Variants in NPHP4 observed in about 807,000 individuals in gnomAD.
NPHP4 encodes nephrocystin-4.
A neutral mutation model predicts 155.8 loss-of-function variants in NPHP4; 151 were observed. The observed-to-expected ratio is 0.97, with a 90% CI of 0.85 to 1.11. The LOEUF (loss-of-function observed/expected upper bound fraction) is 1.11. NPHP4 is among the 50% of genes least tolerant of loss of function. The probability of loss-of-function intolerance (pLI) is 0.00; values close to 1 mark genes in which losing one functional copy is unlikely to be tolerated. For missense variants in NPHP4, 1,956 were observed against 1,925.7 expected (o/e 1.02, Z -0.29); for synonymous variants, 845 against 816.8 (o/e 1.03, Z -0.59).
intron 6 of NPHP4, among the ~76,000 whole-genome samples, chr1:5,953,479 G>A (rs916121989): frequency 6.6e-6 from 1 of 152,200 alleles, no homozygotes; most frequent in African/African-American, 2.4e-5. Flanking sequence ...CGGCCCTGCA[G>A]CCTGCTGCCC....
intron 7 of NPHP4, among the ~76,000 whole-genome samples, chr1:5,950,994 C>T (rs143429412): frequency 3.7e-4 from 56 of 152,220 alleles, no homozygotes; most frequent in African/African-American, 1.3e-3. Context: ...TGGTCTTGAG[C>T]AAAAGCAGCA....
intron 23 of NPHP4, among the ~76,000 whole-genome samples, chr1:5,869,934 C>T (rs1372376515): frequency 6.6e-6 from 1 of 152,190 alleles, no homozygotes; most frequent in Non-Finnish European, 1.5e-5. Flanking sequence ...CTTCAGCACA[C>T]TAGAAACAGT....
At chr1:5,874,386 G>A in intron 22 of NPHP4, 85 bp downstream of exon 22, 1 of 1,284,466 alleles carries the variant, frequency 7.8e-7, no homozygotes, top group Non-Finnish European at 1.1e-6. Context: ...AGGTAAGGGA[G>A]GGACACTGGT....
At position 5,905,700 on chromosome 1, in the gene NPHP4, G is replaced by A. The variant is rs773050903; in HGVS notation, c.1695C>T (p.Ala565=). 2.2e-5 allele frequency: 35 copies of A among 1,613,680 alleles called. No homozygotes were observed. The highest frequency in any genetic ancestry group is 9.9e-5 in the South Asian group (9 of 91,038). The stretch of plus-strand genomic sequence containing the variant: ...TGAACGGCAGCTCCTGTAACTGTTC[G>A]GCAATGGATGTTTCCAGGACCAGGG... The part of the protein sequence containing the change: ...QTSLVLETSI[A]EQLQELPFTP... Residue 565 remains alanine (A), a synonymous_variant, in exon 14 of 30, where the codon GCC becomes GCT. Transcript: ENST00000378156. This position sits in a 1 kb window ranked among gnomAD's most constrained non-coding sequence, Gnocchi z 4.0.
chr1:5,866,423 C>T lies in NPHP4; in HGVS notation c.3594G>A (p.Val1198=). The T allele has an allele frequency of 6.2e-7, 1 of 1,608,180 alleles. No individual in the cohort carries two copies. The highest frequency in any genetic ancestry group is 8.5e-7 in the Non-Finnish European group (1 of 1,176,944). ...PGEPRDIFLK[V]ASGPSPEIKD... ...TGATCTCCGGGCTTGGACCACTGGC[C>T]ACCTTCAGAAATATGTCCCGTGGTT... is the stretch of plus-strand genomic sequence containing the variant. The change falls in exon 26 of 30, where the codon GTG becomes GTA. Residue 1198 remains valine, a synonymous_variant. Transcript: ENST00000378156.
chr1:5,884,680 C>T (rs1334055674), intron 18 of NPHP4, among the ~76,000 whole-genome samples: 1 of 104,268 alleles, frequency 9.6e-6, no homozygotes, highest in East Asian at 3.3e-4. Flanking sequence ...CCAGCCGAGC[C>T]CCCGTCCTAC....
chr1:5,930,861 G>C (rs1646238348), intron 10 of NPHP4, among the ~76,000 whole-genome samples: 1 of 152,200 alleles, frequency 6.6e-6, no homozygotes, highest in African/African-American at 2.4e-5. Flanking sequence ...TACTTAGAGA[G>C]GATGCTGAAG....
intron 18 of NPHP4, among the ~76,000 whole-genome samples, chr1:5,883,345 C>T (rs565659998): frequency 6.6e-6 from 1 of 150,930 alleles, no homozygotes; most frequent in Non-Finnish European, 1.5e-5. Flanking sequence ...CTCCACATGA[C>T]GAGGAGAAAG....
Position 5,877,226 on chromosome 1 carries a change from G to A in NPHP4, c.2684C>T (p.Ala895Val). ...SELAAMLLTH[A>V]RQGKGPQDVS... ...GTCCTGGGGCCCCTTGCCCTGCCGG[G>A]CATGGGTCAGTAGCATGGCAGCCAG... is the stretch of plus-strand genomic sequence containing the variant. Residue 895 changes from alanine to valine, a missense_variant, in exon 20 of 30, where the codon GCC becomes GTC. Coordinates refer to ENST00000378156, the MANE Select transcript of NPHP4 (RefSeq NM_015102.5). The A allele has an allele frequency of 1.2e-6, 2 of 1,608,444 alleles. No homozygotes were observed. The highest frequency in any genetic ancestry group is 1.7e-6 in the Non-Finnish European group (2 of 1,176,782).
At chr1:5,967,491 G>C (rs977468596) in intron 4 of NPHP4, 128 bp from the exon 5 acceptor site, 25 of 717,004 alleles carry the variant, frequency 3.5e-5, no homozygotes, top group Non-Finnish European at 5.6e-5. Flanking sequence ...CATCCTCTGC[G>C]GAAGGCAGAG....
rs769484510 is a variant in NPHP4, at chr1:5,892,960, T to C, written c.2144-1932A>G. On this transcript the variant is annotated intron_variant, in intron 16 of 29. Coordinates refer to ENST00000378156, the MANE Select transcript of NPHP4 (RefSeq NM_015102.5). This position sits in a 1 kb window ranked among gnomAD's most constrained non-coding sequence, Gnocchi z 4.5. ...GAGGAAACAGAAAACACAGTAATGG[T>C]AGAAACTAACCACTCTCCATTCAAA... Among the ~76,000 whole-genome samples the C allele has an allele frequency of 7.2e-5, 11 of 152,112 alleles. No homozygotes were observed. Among genetic ancestry groups the C allele is most frequent in the Non-Finnish European group, 1.3e-4 (9 of 68,030 alleles).
intron 6 of NPHP4, 56 bp downstream of exon 6, chr1:5,961,738 C>G: frequency 6.4e-7 from 1 of 1,551,866 alleles, no homozygotes; most frequent in Admixed American, 1.8e-5. Flanking sequence ...CAAGGTTTCA[C>G]TGTGAACTAG....
At chr1:5,888,871 T>C (rs1350924681) in intron 17 of NPHP4, among the ~76,000 whole-genome samples, 3 of 152,108 alleles carry the variant, frequency 2.0e-5, no homozygotes, top group African/African-American at 7.2e-5. Context: ...GGTGGCACCA[T>C]CAGAATTCTA....
In NPHP4 at chr1:5,967,390, C is replaced by T. The variant is rs200754878; in HGVS notation, c.453-27G>A. ...TGGAAGACAGGACCCAGAGAACAGT[C>T]GTCAGCCACGTGCGCACTTCTCAGA... is the stretch of plus-strand genomic sequence containing the variant. On this transcript the variant is annotated intron_variant, in intron 4 of 29. Coordinates refer to ENST00000378156, the MANE Select transcript of NPHP4 (RefSeq NM_015102.5). 579 of 1,571,168 alleles carry T rather than the reference C, an allele frequency of 3.7e-4. No homozygotes were observed. In the African/African-American group the frequency reaches 7.0e-3, roughly 19 times the overall value.
chr1:5,902,743 A>T (rs972045981), intron 16 of NPHP4, among the ~76,000 whole-genome samples: 1 of 152,302 alleles, frequency 6.6e-6, no homozygotes, highest in South Asian at 2.1e-4. Flanking sequence ...TGTAATTACA[A>T]TTTTACTTGC....
At chr1:5,991,968 G>A (rs1353258719) in intron 1 of NPHP4, among the ~76,000 whole-genome samples, 4 of 151,588 alleles carry the variant, frequency 2.6e-5, no homozygotes, top group Admixed American at 6.6e-5. Flanking sequence ...AAAGGGCAAG[G>A]GCAGAAAGGA....
intron 5 of NPHP4, among the ~76,000 whole-genome samples, chr1:5,962,789 G>A (rs112178218): frequency 1.2e-4 from 19 of 152,360 alleles, no homozygotes; most frequent in African/African-American, 2.2e-4. Context: ...CGGCTACACC[G>A]CAGGGCGGGC....
At position 5,978,317 on chromosome 1, in the gene NPHP4, T is replaced by C. The variant is rs1388277215; in HGVS notation, c.232A>G (p.Thr78Ala). ...GGCGGTCTCTTCGTCGGCTTCACTG[T>C]GGTTTTCCACGTCCTCCCAAAGAAG... The part of the protein sequence containing the change: ...RHFFGRTWKT[T>A]VKPTKRPPSR... Residue 78 changes from threonine (T) to alanine (A), a missense_variant, in exon 3 of 30, where the codon ACA (threonine) becomes GCA (alanine). Transcript: ENST00000378156. 3 of 1,609,658 alleles carry C rather than the reference T, an allele frequency of 1.9e-6. No individual in the cohort carries two copies. Among genetic ancestry groups the C allele is most frequent in the Non-Finnish European group, 2.5e-6 (3 of 1,178,256 alleles).
Position 5,863,959 on chromosome 1 carries a change from G to C in NPHP4, c.4071C>G (p.Pro1357=). 1 of 1,613,838 alleles carries C rather than the reference G, an allele frequency of 6.2e-7. No homozygotes were observed. The highest frequency in any genetic ancestry group is 1.1e-5 in the South Asian group (1 of 91,072). Residue 1357 remains proline, a synonymous_variant, in exon 29 of 30, where the codon CCC becomes CCG. Transcript: ENST00000378156. ...NKRITYTNPY[P]SRRTFHLHSD... is the part of the protein sequence containing the mutation. ...TGTGCAGGTGGAATGTCCTCCGGGA[G>C]GGGTAGGGGTTGGTGTAGGTGATCC...
Sources: allele counts gnomAD v4.1 joint callset (sites outside exome capture counted in the v4.1 genomes callset), GRCh38; gene constraint gnomAD v4.1.1; non-coding constraint Gnocchi (gnomAD v3.1); transcripts MANE v1.5; gene names NCBI Gene and HGNC (gene_info 2026-07-23, HGNC 2026-07-21).